Variants in NARS2 observed in about 807,000 individuals in gnomAD.
The protein encoded by NARS2 is asparaginyl-tRNA synthetase 2, mitochondrial.
In NARS2, 60 loss-of-function variants were observed where a neutral mutation model predicts 62.9. The observed-to-expected ratio is 0.95, with a 90% CI of 0.77 to 1.18. NARS2 has a LOEUF of 1.18. Ranked by LOEUF, NARS2 falls within the 50% of genes most tolerant of loss-of-function variation. NARS2 has a pLI of 0.00. For synonymous variants in NARS2, 196 were observed against 200.0 expected, an observed-to-expected ratio of 0.98 and a Z score of 0.17; for missense variants, 619 against 576.4, an observed-to-expected ratio of 1.07 and a Z score of -0.76.
intron 6 of NARS2, among the ~76,000 whole-genome samples, chr11:78,498,499 A>G (rs1031999362): frequency 6.6e-5 from 10 of 152,100 alleles, no homozygotes; most frequent in African/African-American, 1.9e-4. Context: ...ACTTACTGGC[A>G]CACACAAATT....
At chr11:78,525,426 G>A (rs1861261279) in intron 6 of NARS2, among the ~76,000 whole-genome samples, 2 of 152,132 alleles carry the variant, frequency 1.3e-5, no homozygotes, top group Admixed American at 1.3e-4. Flanking sequence ...TCAAAGTACA[G>A]GGGCGTATCA....
At chr11:78,509,826 CAAAAAAAAAA>C (rs71046976) in intron 6 of NARS2, among the ~76,000 whole-genome samples, 1 of 116,738 alleles carries the variant, frequency 8.6e-6, no homozygotes, top group Non-Finnish European at 1.7e-5. Context: ...GACTCTGTCT[CAAAAAAAAAA>C]AAAAAAGAAA....
chr11:78,553,048 T>C (rs921070292), intron 5 of NARS2, among the ~76,000 whole-genome samples: 1 of 152,198 alleles, frequency 6.6e-6, no homozygotes, highest in Non-Finnish European at 1.5e-5. Flanking sequence ...CTTTCCACAA[T>C]GGTTGAGCTA....
chr11:78,492,112 GACACACAC>G (rs754089395), intron 7 of NARS2, among the ~76,000 whole-genome samples: 3 of 145,504 alleles, frequency 2.1e-5, no homozygotes, highest in South Asian at 4.4e-4. Flanking sequence ...TATATATACA[GACACACAC>G]ACACACACAC....
chr11:78,441,152 G>T (rs181676389), intron 12 of NARS2, 35 bp from the exon 13 acceptor site: 250 of 1,591,926 alleles, frequency 1.6e-4, no homozygotes, highest in Non-Finnish European at 2.1e-4. Flanking sequence ...TTCAGGGAAC[G>T]GCAATAAGAT....
In NARS2 at chr11:78,478,610, T is replaced by C; in HGVS notation, c.896A>G (p.His299Arg). 1 of 1,611,406 alleles carries C rather than the reference T, an allele frequency of 6.2e-7. No individual in the cohort carries two copies. The highest frequency in any genetic ancestry group is 8.5e-7 in the Non-Finnish European group (1 of 1,178,386). The part of the protein sequence containing the change: ...SKCPEDVELC[H>R]KFIAPGQKDR... ...CTTTTGGCCAGGTGCTATGAATTTG[T>C]GACAGAGTTCAACATCTTCAGGACA... The change falls in exon 8 of 14, where the codon CAC (histidine) becomes CGC (arginine). Residue 299 changes from histidine to arginine, a missense_variant. His to Arg is a conservative substitution (Grantham distance 29). Coordinates refer to ENST00000281038, the MANE Select transcript of NARS2 (RefSeq NM_024678.6).
chr11:78,465,289 C>G (rs1858573366), intron 11 of NARS2, among the ~76,000 whole-genome samples: 1 of 152,266 alleles, frequency 6.6e-6, no homozygotes, highest in Non-Finnish European at 1.5e-5. Flanking sequence ...CCTCTCCCTC[C>G]ACACCACCCC....
chr11:78,483,521 G>A (rs1464945040), intron 7 of NARS2, among the ~76,000 whole-genome samples: 5 of 152,154 alleles, frequency 3.3e-5, no homozygotes, highest in Non-Finnish European at 5.9e-5. Flanking sequence ...TCCTTAAGCT[G>A]ATAAGCAACT....
chr11:78,491,907 G>C (rs1289551789), intron 7 of NARS2, among the ~76,000 whole-genome samples: 1 of 152,042 alleles, frequency 6.6e-6, no homozygotes, highest in Non-Finnish European at 1.5e-5. Flanking sequence ...TACTGGGTAA[G>C]AGTAGAAAGA....
At chr11:78,449,887 G>T (rs988291758) in intron 11 of NARS2, among the ~76,000 whole-genome samples, 1 of 152,180 alleles carries the variant, frequency 6.6e-6, no homozygotes, top group Non-Finnish European at 1.5e-5. Flanking sequence ...TTAAAACAAT[G>T]AAAGGCCTTT....
chr11:78,559,427 T>C, intron 5 of NARS2, 112 bp downstream of exon 5: 1 of 704,498 alleles, frequency 1.4e-6, no homozygotes, highest in Non-Finnish European at 2.4e-6. Context: ...TTATTGACAA[T>C]TTCAGGTGCT....
intron 1 of NARS2, among the ~76,000 whole-genome samples, chr11:78,572,525 T>C: frequency 6.6e-6 from 1 of 152,210 alleles, no homozygotes; most frequent in African/African-American, 2.4e-5. Context: ...CCAGCTCCTC[T>C]GCCTAGGGAA....
Position 78,441,098 on chromosome 11 carries a change from A to G in NARS2, c.1282T>C (p.Tyr428His). The G allele has an allele frequency of 6.2e-7, 1 of 1,612,502 alleles. No individual in the cohort carries two copies. Among genetic ancestry groups the G allele is most frequent in the Non-Finnish European group, 8.5e-7 (1 of 1,179,336 alleles). The change falls in exon 13 of 14, where the codon TAC becomes CAC. Residue 428 changes from tyrosine to histidine, a missense_variant. Transcript: ENST00000281038. ...TAGGGGCCACATTCTTACCATTGGTAGACTTCTGTAAGTCCCGATCTGTTT... is the reference window on the plus strand; with the variant it reads ...TAGGGGCCACATTCTTACCATTGGTGGACTTCTGTAAGTCCCGATCTGTTT... ...RLARSGLTEV[Y>H]QWYLDLRRFG...
intron 13 of NARS2, among the ~76,000 whole-genome samples, chr11:78,437,488 C>A (rs1409713841): frequency 6.6e-6 from 1 of 152,180 alleles, no homozygotes; most frequent in Non-Finnish European, 1.5e-5. Context: ...TAGACAGCCT[C>A]TGAAACCCAT....
chr11:78,481,661 G>A (rs10751290), intron 7 of NARS2, among the ~76,000 whole-genome samples: 50,179 of 151,948 alleles, frequency 0.33, 10,638 homozygotes, highest in African/African-American at 0.59. Context: ...AAGGGTTAGC[G>A]TAACTCAGAT....
intron 5 of NARS2, among the ~76,000 whole-genome samples, chr11:78,540,632 C>CTTT (rs1565269441): frequency 6.6e-6 from 1 of 152,138 alleles, no homozygotes; most frequent in Non-Finnish European, 1.5e-5. Flanking sequence ...GAAGAGAATA[C>CTTT]ATAAAGATGA....
At chr11:78,536,962 T>C (rs372687000) in intron 5 of NARS2, among the ~76,000 whole-genome samples, 40 of 152,354 alleles carry the variant, frequency 2.6e-4, no homozygotes, top group South Asian at 1.7e-3. Context: ...TGTTTAGATA[T>C]ACAAATACTT....
intron 4 of NARS2, among the ~76,000 whole-genome samples, chr11:78,563,009 T>G (rs1856605682): frequency 6.6e-6 from 1 of 152,072 alleles, no homozygotes; most frequent in Non-Finnish European, 1.5e-5. Context: ...TGCCTTATAG[T>G]ACTACAGAAA....
At chr11:78,545,096 A>G (rs1855807712) in intron 5 of NARS2, among the ~76,000 whole-genome samples, 1 of 152,164 alleles carries the variant, frequency 6.6e-6, no homozygotes, top group African/African-American at 2.4e-5. Flanking sequence ...AGACCACAGT[A>G]TTTACATAAT....
Sources: allele counts gnomAD v4.1 joint callset (sites outside exome capture counted in the v4.1 genomes callset), GRCh38; gene constraint gnomAD v4.1.1; transcripts MANE v1.5; gene names NCBI Gene and HGNC (gene_info 2026-07-23, HGNC 2026-07-21).